Variants in UBAC2 observed in about 807,000 individuals in gnomAD.
UBAC2 encodes ubiquitin-associated domain-containing protein 2.
UBAC2 carries 26 observed loss-of-function variants against 44.0 expected under a neutral mutation model. That is an observed-to-expected ratio of 0.59 (90% CI 0.43 to 0.82). The LOEUF (loss-of-function observed/expected upper bound fraction) is 0.82. Among genes scored for constraint, UBAC2 ranks in the 40% least tolerant of loss-of-function variants. The pLI is 0.00. For synonymous variants in UBAC2, 155 were observed against 154.3 expected (o/e 1.00, Z -0.04); for missense variants, 329 against 419.4 (o/e 0.78, Z 1.88).
At chr13:99,339,410 A>G (rs924283592) in intron 6 of UBAC2, among the ~76,000 whole-genome samples, 1 of 152,134 alleles carries the variant, frequency 6.6e-6, no homozygotes, top group Non-Finnish European at 1.5e-5. Flanking sequence ...TGTTCTCCAC[A>G]TTGACTGCTA....
chr13:99,319,459 T>C (rs1402372604), intron 6 of UBAC2, among the ~76,000 whole-genome samples: 1 of 152,240 alleles, frequency 6.6e-6, no homozygotes, highest in Non-Finnish European at 1.5e-5. Flanking sequence ...GGGGCTAGTG[T>C]GTCATCCTGT....
At chr13:99,225,760 G>A (rs190106789) in intron 1 of UBAC2, among the ~76,000 whole-genome samples, 119 of 152,290 alleles carry the variant, frequency 7.8e-4, no homozygotes, top group African/African-American at 2.6e-3. Context: ...GAAGATGGGC[G>A]GATGGACAAT....
chr13:99,207,885 G>T (rs537574838), intron 1 of UBAC2, among the ~76,000 whole-genome samples: 1 of 151,766 alleles, frequency 6.6e-6, no homozygotes, highest in East Asian at 1.9e-4. Flanking sequence ...TTTTTTTTGT[G>T]TTCTCATGAA....
chr13:99,331,035 G>A (rs2044709490), intron 6 of UBAC2, among the ~76,000 whole-genome samples: 1 of 152,204 alleles, frequency 6.6e-6, no homozygotes, highest in Non-Finnish European at 1.5e-5. Flanking sequence ...TTGCCTTCCA[G>A]TATATTTTTT....
chr13:99,329,753 C>G (rs1282918669), intron 6 of UBAC2, among the ~76,000 whole-genome samples: 3 of 152,186 alleles, frequency 2.0e-5, no homozygotes, highest in Non-Finnish European at 4.4e-5. Flanking sequence ...CAGTGCCAGT[C>G]AGGTCTTGAG....
At chr13:99,360,024 T>A (rs926229291) in intron 7 of UBAC2, among the ~76,000 whole-genome samples, 5 of 152,246 alleles carry the variant, frequency 3.3e-5, no homozygotes, top group African/African-American at 7.2e-5. Flanking sequence ...TAAAATAAGA[T>A]GAAGATGCTT....
chr13:99,267,749 C>T (rs968394855), intron 4 of UBAC2, among the ~76,000 whole-genome samples: 9 of 152,148 alleles, frequency 5.9e-5, no homozygotes, highest in African/African-American at 1.9e-4. Flanking sequence ...AATATTTTAT[C>T]AGTGATAAAA....
chr13:99,345,967 C>T (rs766609415), intron 7 of UBAC2, among the ~76,000 whole-genome samples: 1 of 151,956 alleles, frequency 6.6e-6, no homozygotes, highest in East Asian at 1.9e-4. Context: ...GGTCTTGAAC[C>T]CCTGACCTCA....
chr13:99,261,306 C>T (rs910486262), intron 4 of UBAC2, among the ~76,000 whole-genome samples: 1 of 152,226 alleles, frequency 6.6e-6, no homozygotes, highest in African/African-American at 2.4e-5. Flanking sequence ...TGACATCCTC[C>T]AACCTTTGTC....
At chr13:99,319,828 C>A (rs1027589287) in intron 6 of UBAC2, among the ~76,000 whole-genome samples, 1 of 152,206 alleles carries the variant, frequency 6.6e-6, no homozygotes, top group South Asian at 2.1e-4. Flanking sequence ...AGAACTGTTG[C>A]GTGACTGAGG....
At chr13:99,327,873 A>G (rs1019450065) in intron 6 of UBAC2, among the ~76,000 whole-genome samples, 2 of 152,194 alleles carry the variant, frequency 1.3e-5, no homozygotes, top group African/African-American at 2.4e-5. Flanking sequence ...TTTACATACA[A>G]TAGAACTCAC....
chr13:99,316,952 A>G (rs1198897547), intron 5 of UBAC2, among the ~76,000 whole-genome samples: 3 of 152,244 alleles, frequency 2.0e-5, no homozygotes, highest in East Asian at 3.8e-4. Context: ...AGAAAATTAC[A>G]GCAAAATATT....
At chr13:99,240,390 G>A (rs997882326) in intron 2 of UBAC2, among the ~76,000 whole-genome samples, 1 of 152,152 alleles carries the variant, frequency 6.6e-6, no homozygotes, top group Non-Finnish European at 1.5e-5. Context: ...CTGAAAAAAT[G>A]GGGTTCTAGA....
At chr13:99,364,851 A>G (rs723090) in intron 7 of UBAC2, among the ~76,000 whole-genome samples, 40,831 of 152,044 alleles carry the variant, frequency 0.27, 6,428 homozygotes, top group African/African-American at 0.44. Context: ...CCCATTCTAT[A>G]GTTGATGGGC....
At chr13:99,315,510 A>G (rs1382348167) in intron 5 of UBAC2, among the ~76,000 whole-genome samples, 4 of 152,186 alleles carry the variant, frequency 2.6e-5, no homozygotes, top group African/African-American at 9.7e-5. Context: ...TTAATTGTGG[A>G]GTAGGAGTTC....
chr13:99,362,882 G>C (rs1261605800), intron 7 of UBAC2, among the ~76,000 whole-genome samples: 2 of 152,150 alleles, frequency 1.3e-5, no homozygotes, highest in Non-Finnish European at 2.9e-5. Flanking sequence ...TAATACAAAA[G>C]TTCTTACAGG....
intron 1 of UBAC2, among the ~76,000 whole-genome samples, chr13:99,206,280 T>G (rs1593992126): frequency 6.6e-6 from 1 of 151,472 alleles, no homozygotes; most frequent in Non-Finnish European, 1.5e-5. Flanking sequence ...ACTCCAGAGG[T>G]GGGGGGACAG....
intron 6 of UBAC2, among the ~76,000 whole-genome samples, chr13:99,331,056 G>A (rs1188199509): frequency 6.6e-6 from 1 of 152,104 alleles, no homozygotes; most frequent in Non-Finnish European, 1.5e-5. Flanking sequence ...CCTTCATAAG[G>A]GAAGGTTCGT....
intron 8 of UBAC2, 25 bp downstream of exon 8, chr13:99,367,931 C>G (rs1356170363): frequency 1.2e-6 from 2 of 1,604,806 alleles, no homozygotes; most frequent in Admixed American, 1.7e-5. Context: ...ATACCTGGTA[C>G]TCATTCTAAA....
Sources: allele counts gnomAD v4.1 joint callset (sites outside exome capture counted in the v4.1 genomes callset), GRCh38; gene constraint gnomAD v4.1.1; transcripts MANE v1.5; gene names NCBI Gene and HGNC (gene_info 2026-07-23, HGNC 2026-07-21).